Variants in WDPCP observed in about 807,000 individuals in gnomAD.
WDPCP encodes WD repeat-containing and planar cell polarity effector protein fritz homolog.
WDPCP carries 71 observed loss-of-function variants against 93.1 expected under a neutral mutation model. The ratio of observed to expected loss-of-function variants is 0.76; its 90% confidence interval spans 0.63 to 0.93. WDPCP has a LOEUF of 0.93. WDPCP is among the 40% of genes least tolerant of loss of function. WDPCP has a pLI of 0.00. For missense variants in WDPCP, 844 were observed against 887.4 expected (o/e 0.95, Z 0.62); for synonymous variants, 315 against 315.0 (o/e 1.00, Z 0.00).
chr2:63,493,390 CTAAT>C (rs1389211540), intron 1 of WDPCP, among the ~76,000 whole-genome samples: 3 of 151,898 alleles, frequency 2.0e-5, no homozygotes, highest in Non-Finnish European at 2.9e-5. Context: ...TACAAACAGG[CTAAT>C]TAAAGTGGAA....
chr2:63,401,616 G>A (rs1575335984), intron 10 of WDPCP, among the ~76,000 whole-genome samples: 2 of 152,142 alleles, frequency 1.3e-5, no homozygotes, highest in South Asian at 2.1e-4. Context: ...ACCAGCCTGG[G>A]CAACATGGTA....
intron 6 of WDPCP, among the ~76,000 whole-genome samples, chr2:63,475,109 A>G (rs1435334706): frequency 3.9e-5 from 6 of 152,162 alleles, no homozygotes; most frequent in Non-Finnish European, 8.8e-5. Flanking sequence ...TAGCCCCTAC[A>G]CAGTATTATT....
At chr2:63,334,713 G>A (rs1338871266) in intron 12 of WDPCP, among the ~76,000 whole-genome samples, 1 of 151,988 alleles carries the variant, frequency 6.6e-6, no homozygotes, top group Non-Finnish European at 1.5e-5. Context: ...TATAGTTATT[G>A]CTAGTGTGAA....
intron 2 of WDPCP, among the ~76,000 whole-genome samples, chr2:63,763,829 T>A (rs1051768948): frequency 6.6e-6 from 1 of 152,134 alleles, no homozygotes; most frequent in African/African-American, 2.4e-5. Context: ...AAGTGGTACA[T>A]TAAATCCAGC....
intron 1 of WDPCP, among the ~76,000 whole-genome samples, chr2:63,826,192 C>A (rs1671111380): frequency 6.6e-6 from 1 of 151,946 alleles, no homozygotes; most frequent in South Asian, 2.1e-4. Context: ...TGGTGTCTTA[C>A]TTCTTATAAT....
At chr2:63,695,438 C>CT (rs927181226) in intron 2 of WDPCP, among the ~76,000 whole-genome samples, 25 of 152,168 alleles carry the variant, frequency 1.6e-4, no homozygotes, top group South Asian at 1.2e-3. Flanking sequence ...GCAATGAATA[C>CT]TTTTTTTAGC....
chr2:63,836,625 T>A, the WDPCP span, among the ~76,000 whole-genome samples: 1 of 152,208 alleles, frequency 6.6e-6, no homozygotes, highest in Non-Finnish European at 1.5e-5. Context: ...TTTATGTTTT[T>A]TCCTGGGCCA....
chr2:63,158,143 T>C (rs1223630062), intron 15 of WDPCP, among the ~76,000 whole-genome samples: 1 of 152,202 alleles, frequency 6.6e-6, no homozygotes, highest in Non-Finnish European at 1.5e-5. Context: ...TTCTTTCTGT[T>C]ATTTATTTCT....
At chr2:63,783,357 C>T (rs1670423766) in intron 2 of WDPCP, among the ~76,000 whole-genome samples, 1 of 152,004 alleles carries the variant, frequency 6.6e-6, no homozygotes, top group Non-Finnish European at 1.5e-5. Flanking sequence ...GAGTTCAAGG[C>T]TGCAGTGAGA....
chr2:63,203,182 G>C (rs1676056325), intron 14 of WDPCP, among the ~76,000 whole-genome samples: 1 of 151,884 alleles, frequency 6.6e-6, no homozygotes, highest in African/African-American at 2.4e-5. Context: ...AAAAATTTTT[G>C]TGGGTACATA....
chr2:63,280,656 T>A (rs531542381), intron 13 of WDPCP, among the ~76,000 whole-genome samples: 13 of 152,112 alleles, frequency 8.5e-5, no homozygotes, highest in African/African-American at 3.1e-4. Context: ...ACAGAATAAA[T>A]AACCCAGAAA....
At chr2:63,625,867 C>A (rs1031514287) in intron 3 of WDPCP, among the ~76,000 whole-genome samples, 4 of 152,072 alleles carry the variant, frequency 2.6e-5, no homozygotes, top group Admixed American at 2.6e-4. Flanking sequence ...CAAAAAAGAG[C>A]CCATATAGCC....
chr2:63,509,285 A>C (rs1338125433), intron 1 of WDPCP, among the ~76,000 whole-genome samples: 1 of 152,206 alleles, frequency 6.6e-6, no homozygotes, highest in African/African-American at 2.4e-5. Flanking sequence ...AAACTCACTC[A>C]AAACCGCACA....
chr2:63,516,739 C>T (rs1702578058), intron 1 of WDPCP, among the ~76,000 whole-genome samples: 1 of 152,102 alleles, frequency 6.6e-6, no homozygotes, highest in Non-Finnish European at 1.5e-5. Context: ...TTCTCAAATA[C>T]CTGATGCACA....
At chr2:63,332,627 ATACTC>A (rs1466525995) in intron 12 of WDPCP, among the ~76,000 whole-genome samples, 1 of 152,202 alleles carries the variant, frequency 6.6e-6, no homozygotes, top group South Asian at 2.1e-4. Context: ...GCTGGATACA[ATACTC>A]TAATCAGATA....
At chr2:63,474,883 TG>T (rs1184345363) in intron 6 of WDPCP, among the ~76,000 whole-genome samples, 1 of 152,154 alleles carries the variant, frequency 6.6e-6, no homozygotes, top group Admixed American at 6.5e-5. Context: ...AGTAAATGTC[TG>T]CACAGTAAAA....
chr2:63,404,357 T>G lies in WDPCP; in HGVS notation c.1126A>C (p.Thr376Pro). 6.2e-7 allele frequency: 1 copy of G among 1,614,140 alleles called. No individual in the cohort carries two copies. Among genetic ancestry groups the G allele is most frequent in the Non-Finnish European group, 8.5e-7 (1 of 1,180,014 alleles). The change falls in exon 10 of 18, where the codon ACT becomes CCT. Residue 376 changes from threonine to proline, a missense_variant. Transcript: ENST00000272321. The part of the protein sequence containing the change: ...THRRVTLLAQ[T>P]ELLPSLISCH... ...CTTATTAATGAAGGCAAAAGTTCAG[T>G]CTGTGCTAAGAGAGTCACTCTACGG...
chr2:63,471,608 C>T (rs1049309558), intron 6 of WDPCP, among the ~76,000 whole-genome samples: 1 of 152,126 alleles, frequency 6.6e-6, no homozygotes, highest in Non-Finnish European at 1.5e-5. Context: ...TGCAGATTTA[C>T]CATATCTCTT....
chr2:63,571,648 A>AT, intron 1 of WDPCP: 2 of 470,776 alleles, frequency 4.2e-6, no homozygotes, highest in Non-Finnish European at 8.8e-6. Context: ...TTAGTTCAAT[A>AT]TGACCTACTC....
Sources: allele counts gnomAD v4.1 joint callset (sites outside exome capture counted in the v4.1 genomes callset), GRCh38; gene constraint gnomAD v4.1.1; transcripts MANE v1.5; gene names NCBI Gene and HGNC (gene_info 2026-07-23, HGNC 2026-07-21).